Variants in ARHGEF6 observed in about 807,000 individuals in gnomAD.
The protein encoded by ARHGEF6 is Rac/Cdc42 guanine nucleotide exchange factor 6.
In ARHGEF6, 9 loss-of-function variants were observed where a neutral mutation model predicts 70.3. The ratio of observed to expected loss-of-function variants is 0.13; its 90% CI spans 0.08 to 0.22. The LOEUF is 0.22. Among genes scored for constraint, ARHGEF6 ranks in the 10% least tolerant of loss-of-function variants. The pLI is 1.00. For missense variants in ARHGEF6, 470 were observed against 563.0 expected, an observed-to-expected ratio of 0.83 and a Z score of 1.67; for synonymous variants, 201 against 207.8, an observed-to-expected ratio of 0.97 and a Z score of 0.28.
chrX:136,770,314 C>A (rs2077354884), intron 2 of ARHGEF6, among the ~76,000 whole-genome samples: 2 of 112,382 alleles, frequency 1.8e-5, no homozygotes, highest in South Asian at 3.6e-4. Flanking sequence ...AACCAGTGAT[C>A]ATTTTAACAG....
intron 19 of ARHGEF6, among the ~76,000 whole-genome samples, chrX:136,673,231 C>T (rs1265287583): frequency 8.9e-6 from 1 of 111,945 alleles, no homozygotes; most frequent in Non-Finnish European, 1.9e-5. Flanking sequence ...GGGACTTGAG[C>T]ATCGTCAGAT....
At chrX:136,675,815 C>T (rs773218315) in intron 18 of ARHGEF6, among the ~76,000 whole-genome samples, 1 of 110,926 alleles carries the variant, frequency 9.0e-6, no homozygotes, top group Non-Finnish European at 1.9e-5. Context: ...CCACCGTGCC[C>T]GGCCAACCCC....
At chrX:136,702,025 ATTGAT>A (rs1382457501) in intron 9 of ARHGEF6, among the ~76,000 whole-genome samples, 1 of 111,569 alleles carries the variant, frequency 9.0e-6, no homozygotes, top group Non-Finnish European at 1.9e-5. Context: ...CTTATTCTTA[ATTGAT>A]TTAATAGATA....
intron 9 of ARHGEF6, among the ~76,000 whole-genome samples, chrX:136,704,575 T>C (rs111633311): frequency 8.9e-6 from 1 of 111,816 alleles, no homozygotes; most frequent in African/African-American, 3.3e-5. Context: ...TCAGGAAACT[T>C]ACAATCATGG....
At chrX:136,678,211 T>A (rs1458542112) in intron 16 of ARHGEF6, among the ~76,000 whole-genome samples, 1 of 111,805 alleles carries the variant, frequency 8.9e-6, no homozygotes, top group African/African-American at 3.3e-5. Context: ...AGTAGGAATA[T>A]ATTAATAACT....
At chrX:136,776,507 G>C (rs369336035) in intron 2 of ARHGEF6, among the ~76,000 whole-genome samples, 1 of 111,476 alleles carries the variant, frequency 9.0e-6, no homozygotes, top group Non-Finnish European at 1.9e-5. Context: ...AATGAACCTG[G>C]ATCCTCATCT....
chrX:136,700,474 C>T (rs1374771461), intron 9 of ARHGEF6, among the ~76,000 whole-genome samples: 3 of 110,678 alleles, frequency 2.7e-5, no homozygotes, highest in African/African-American at 9.9e-5. Context: ...TTGCAGTGAG[C>T]TGAGATCGCG....
chrX:136,722,678 T>C (rs2076811357), intron 6 of ARHGEF6, among the ~76,000 whole-genome samples: 2 of 112,289 alleles, frequency 1.8e-5, no homozygotes, highest in South Asian at 7.4e-4. Context: ...GGTGAGGATG[T>C]AGAGAAACTG....
chrX:136,713,205 T>A (rs2148622864), intron 7 of ARHGEF6, 71 bp downstream of exon 7: 1 of 878,644 alleles, frequency 1.1e-6, no homozygotes, highest in East Asian at 3.1e-5. Context: ...TTCAGTGACA[T>A]AAGAATAATG....
At chrX:136,701,696 ATTTTT>A (rs1175241480) in intron 9 of ARHGEF6, among the ~76,000 whole-genome samples, 1 of 89,787 alleles carries the variant, frequency 1.1e-5, no homozygotes, top group African/African-American at 4.1e-5. Flanking sequence ...AAAATATTTC[ATTTTT>A]CTTTTTTTTT....
At chrX:136,668,651 T>C (rs1050279313) in intron 21 of ARHGEF6, among the ~76,000 whole-genome samples, 7 of 108,862 alleles carry the variant, frequency 6.4e-5, no homozygotes, top group Non-Finnish European at 1.1e-4. Flanking sequence ...GCTTAAGTGA[T>C]CCTCTCACTT....
chrX:136,681,828 A>G, intron 14 of ARHGEF6, 62 bp downstream of exon 14: 1 of 1,014,055 alleles, frequency 9.9e-7, no homozygotes, highest in Non-Finnish European at 1.4e-6. Flanking sequence ...TTTATTTATT[A>G]AATTCCCCTT....
At chrX:136,745,778 A>G (rs2077089638) in intron 3 of ARHGEF6, among the ~76,000 whole-genome samples, 3 of 112,095 alleles carry the variant, frequency 2.7e-5, no homozygotes, top group Non-Finnish European at 5.6e-5. Context: ...ACACGTAACA[A>G]TATGTGTGGC....
rs1291334295 is a variant in ARHGEF6, at chrX:136,699,480, G to A, written c.1046+7428C>T. Among the ~76,000 whole-genome samples, 5 of 111,555 alleles carry A rather than the reference G, an allele frequency of 4.5e-5. No homozygotes were observed. In the East Asian group the frequency reaches 1.4e-3, roughly 31 times the overall value. Reference sequence around the variant, plus strand: ...TTCAGCTCTGACATCGAAAGAGCTTGGAAGTCATCACACTATAGTCATAAT... The same window carrying A: ...TTCAGCTCTGACATCGAAAGAGCTTAGAAGTCATCACACTATAGTCATAAT... On this transcript the variant is annotated intron_variant, in intron 9 of 21. Transcript: ENST00000250617.
intron 10 of ARHGEF6, 147 bp from the exon 11 acceptor site, chrX:136,688,138 A>C (rs773586093): frequency 2.0e-6 from 1 of 494,454 alleles, no homozygotes; most frequent in Non-Finnish European, 3.6e-6. Context: ...AATTGTGGTC[A>C]TGGTAACATG....
intron 2 of ARHGEF6, chrX:136,767,395 G>T (rs1295017481): frequency 2.7e-6 from 2 of 754,284 alleles, no homozygotes; most frequent in Non-Finnish European, 1.6e-6. Flanking sequence ...GCAACTTTGC[G>T]CCTGGACGCG....
chrX:136,739,294 AC>A (rs2077019086), intron 5 of ARHGEF6, among the ~76,000 whole-genome samples: 1 of 111,827 alleles, frequency 8.9e-6, no homozygotes, highest in African/African-American at 3.3e-5. Context: ...TTGTTTCTTC[AC>A]TGTTCCTACA....
chrX:136,681,174 C>G (rs1442484724), intron 14 of ARHGEF6, among the ~76,000 whole-genome samples: 1 of 112,471 alleles, frequency 8.9e-6, no homozygotes, highest in African/African-American at 3.2e-5. Flanking sequence ...AACATAAGCA[C>G]ATAGTCCATC....
chrX:136,758,031 CTTTTT>C (rs1164537601), intron 2 of ARHGEF6, among the ~76,000 whole-genome samples: 1 of 14,033 alleles, frequency 7.1e-5, no homozygotes, highest in African/African-American at 2.9e-4. Context: ...AAAATAAATT[CTTTTT>C]TTTTTTTTTT....
Sources: gnomAD v4.1 joint callset for allele counts (sites outside exome capture counted in the v4.1 genomes callset) on GRCh38, gnomAD v4.1.1 for gene constraint, MANE v1.5 for transcripts, NCBI Gene and HGNC (gene_info 2026-07-23, HGNC 2026-07-21) for gene names.